Variants in TJP1 observed in about 807,000 individuals in gnomAD.
TJP1 encodes tight junction protein 1.
In TJP1, 43 loss-of-function variants were observed where a neutral mutation model predicts 194.2. The observed-to-expected ratio is 0.22, with a 90% CI of 0.17 to 0.29. The LOEUF (loss-of-function observed/expected upper bound fraction) is 0.29. Ranked by LOEUF, TJP1 falls within the 10% of genes least tolerant of loss-of-function variation. TJP1 has a pLI of 1.00. For synonymous variants in TJP1, 801 were observed against 779.0 expected, an observed-to-expected ratio of 1.03 and a Z score of -0.47; for missense variants, 1,971 against 2,185.7, an observed-to-expected ratio of 0.90 and a Z score of 1.96.
chr15:29,762,954 A>G (rs1277061639), intron 5 of TJP1, among the ~76,000 whole-genome samples: 1 of 152,164 alleles, frequency 6.6e-6, no homozygotes, highest in African/African-American at 2.4e-5. Context: ...AACTTTGAAA[A>G]GATTGACCAT....
At chr15:29,849,031 T>C (rs2051530785) in intron 2 of TJP1, among the ~76,000 whole-genome samples, 2 of 152,118 alleles carry the variant, frequency 1.3e-5, no homozygotes, top group Admixed American at 1.3e-4. Context: ...TAAATGATAA[T>C]GTAACATCTC....
At chr15:29,772,032 C>A in intron 4 of TJP1, 32 bp downstream of exon 4, 2 of 1,370,440 alleles carry the variant, frequency 1.5e-6, no homozygotes, top group South Asian at 2.5e-5. Flanking sequence ...AGTTGGGGTA[C>A]CTTTACTAAA....
intron 8 of TJP1, among the ~76,000 whole-genome samples, chr15:29,755,883 T>C (rs2045612252): frequency 6.6e-6 from 1 of 152,164 alleles, no homozygotes; most frequent in Admixed American, 6.5e-5. Flanking sequence ...ACTTTTACTG[T>C]AATAGAATTT....
In TJP1 at chr15:29,854,897, G is replaced by A. The variant is rs1596113604; in HGVS notation, c.307-54195C>T. 3.3e-5 allele frequency among the ~76,000 whole-genome samples: 5 copies of A among 151,314 alleles called. No homozygotes were observed. The South Asian group carries it at 1.0e-3, about 32-fold the overall frequency. ...CCAAATAGAAAGCTATCATTGAGGA[G>A]GGGAAAAAAAAAGGTTAGAAACAAC... On this transcript the variant is annotated intron_variant, in intron 2 of 28. Transcript: ENST00000356107.
rs780669174 is a variant in TJP1, at chr15:29,716,569, T to C, written c.4202+42A>G. 5 of 1,424,536 alleles carry C rather than the reference T, an allele frequency of 3.5e-6. No individual in the cohort carries two copies. The African/African-American group carries it at 7.0e-5, about 20-fold the overall frequency. 88.2% of individuals were successfully genotyped at this position (1,424,536 alleles called of 1,614,324 possible). A position where few individuals can be genotyped will look rare whatever the true frequency, so the allele number is the denominator to read the frequency against. On this transcript the variant is annotated intron_variant, in intron 23 of 27. Coordinates refer to ENST00000614355, the MANE Select transcript of TJP1 (RefSeq NM_001330239.4). ...AATATATTGAACTGCACGGGATTAA[T>C]ATGCTGCATCCTATTTTTAAAAGCC...
chr15:29,966,817 T>C (rs1029491621), intron 1 of TJP1, among the ~76,000 whole-genome samples: 16 of 152,128 alleles, frequency 1.1e-4, no homozygotes, highest in African/African-American at 1.7e-4. Flanking sequence ...AAATGGGAGA[T>C]ATGACTGCTG....
chr15:29,748,957 C>CGTGTGCGAGTGT lies in TJP1; in HGVS notation c.1011-6177_1011-6176insACACTCGCACAC, dbSNP rs1555402347. On this transcript the variant is annotated intron_variant, in intron 8 of 27. Coordinates refer to ENST00000614355, the MANE Select transcript of TJP1 (RefSeq NM_001330239.4). ...GTGTGTGTGTGTGTGTGTGTGTGCGCGTGTGTGCGCGCGCGCGTTTGCTAT... is the reference window on the plus strand; with the variant it reads ...GTGTGTGTGTGTGTGTGTGTGTGCGCGTGTGCGAGTGTGTGTGTGCGCGCGCGCGTTTGCTAT... Among the ~76,000 whole-genome samples the CGTGTGCGAGTGT allele has an allele frequency of 2.7e-4, 13 of 48,822 alleles. No homozygotes were observed. The South Asian group carries it at 8.6e-3, about 32-fold the overall frequency. 32.0% of individuals were successfully genotyped at this position (48,822 alleles called of 152,430 possible).
rs536540347 is a variant in TJP1 at position 29,929,540 on chromosome 15, T to C, written c.306+26692A>G. 2.5e-4 allele frequency among the ~76,000 whole-genome samples: 38 copies of C among 152,028 alleles called. No individual in the cohort carries two copies. The South Asian group carries it at 7.7e-3, about 31-fold the overall frequency. On this transcript the variant is annotated intron_variant, in intron 2 of 28. Coordinates refer to the TJP1 transcript ENST00000356107. ...GGCAAAACCCCATGTCTACTAAAAATACAAAAGTTAGCTGGGTGTGGCGGT... is the reference window on the plus strand; with the variant it reads ...GGCAAAACCCCATGTCTACTAAAAACACAAAAGTTAGCTGGGTGTGGCGGT...
chr15:29,728,092 C>A, intron 15 of TJP1, 73 bp from the exon 16 acceptor site: 3 of 1,223,662 alleles, frequency 2.5e-6, no homozygotes, highest in Non-Finnish European at 3.6e-6. Context: ...CAACTACTGG[C>A]CACAACTGAT....
chr15:29,928,281 C>T (rs192775481), intron 2 of TJP1, among the ~76,000 whole-genome samples: 3 of 152,200 alleles, frequency 2.0e-5, no homozygotes, highest in Admixed American at 2.0e-4. Context: ...TGCAGAGAGG[C>T]TCAATATCAT....
At chr15:29,926,074 C>T (rs187292327) in intron 2 of TJP1, among the ~76,000 whole-genome samples, 15 of 152,120 alleles carry the variant, frequency 9.9e-5, no homozygotes, top group Admixed American at 9.8e-4. Context: ...CACACTCCCC[C>T]CAGTGGAATA....
intron 2 of TJP1, among the ~76,000 whole-genome samples, chr15:29,954,100 T>C (rs1485436989): frequency 6.6e-6 from 1 of 152,212 alleles, no homozygotes; most frequent in Non-Finnish European, 1.5e-5. Context: ...ATTCTGCACC[T>C]GGGTAGCATT....
At chr15:29,761,029 C>A in intron 8 of TJP1, 110 bp downstream of exon 8, 1 of 1,297,702 alleles carries the variant, frequency 7.7e-7, no homozygotes, top group Non-Finnish European at 1.0e-6. Flanking sequence ...CAGATCTAAT[C>A]TTGAATAATC....
chr15:29,793,051 C>T (rs907975145), intron 2 of TJP1, among the ~76,000 whole-genome samples: 2 of 152,158 alleles, frequency 1.3e-5, no homozygotes, highest in Non-Finnish European at 1.5e-5. Flanking sequence ...CTATTGTCTG[C>T]AAACAAGGGT....
chr15:29,793,144 G>T (rs1270385392), intron 2 of TJP1, among the ~76,000 whole-genome samples: 1 of 152,062 alleles, frequency 6.6e-6, no homozygotes, highest in East Asian at 1.9e-4. Context: ...CCAGTACCAC[G>T]TTGAAGAAAG....
chr15:29,882,964 A>T (rs1006814303), intron 2 of TJP1, among the ~76,000 whole-genome samples: 5 of 152,172 alleles, frequency 3.3e-5, no homozygotes, highest in Non-Finnish European at 7.3e-5. Context: ...TCTACATGAA[A>T]GGAATACAAA....
chr15:29,932,372 T>G (rs920348610), intron 2 of TJP1, among the ~76,000 whole-genome samples: 1 of 152,240 alleles, frequency 6.6e-6, no homozygotes, highest in East Asian at 1.9e-4. Context: ...GTATTATAGA[T>G]CAGTATGGAA....
rs1211374168 is a variant in TJP1 at position 29,906,330 on chromosome 15, G to A, written c.306+49902C>T. ...TCTACCAAAAATTTAAAAATTAGCC[G>A]GGTGTCATGATGCACGCCTGTAATC... On this transcript the variant is annotated intron_variant, in intron 2 of 28. Transcript: ENST00000356107. 7.2e-5 allele frequency among the ~76,000 whole-genome samples: 11 copies of A among 151,824 alleles called. No individual in the cohort carries two copies. In the South Asian group the frequency reaches 1.0e-3, roughly 14 times the overall value.
intron 8 of TJP1, among the ~76,000 whole-genome samples, chr15:29,747,413 T>C (rs1446444995): frequency 6.6e-6 from 1 of 152,234 alleles, no homozygotes; most frequent in Non-Finnish European, 1.5e-5. Context: ...AATTGTGCTG[T>C]GCTCCTCAGA....
Sources: gnomAD v4.1 joint callset for allele counts (sites outside exome capture counted in the v4.1 genomes callset) on GRCh38, gnomAD v4.1.1 for gene constraint, MANE v1.5 for transcripts, NCBI Gene and HGNC (gene_info 2026-07-23, HGNC 2026-07-21) for gene names.